The following BDH2 variants were observed in gnomAD, a reference collection of about 807,000 sequenced individuals.
BDH2 encodes the protein 3-hydroxybutyrate dehydrogenase 2, also known as dehydrogenase/reductase SDR family member 6.
A neutral mutation model predicts 33.2 loss-of-function variants in BDH2; 24 were observed. The ratio of observed to expected loss-of-function variants is 0.72; its 90% CI spans 0.52 to 1.02. BDH2 has a LOEUF of 1.02. BDH2 is among the 50% of genes least tolerant of loss of function. The pLI, the probability that BDH2 is intolerant of heterozygous loss-of-function variation, is 0.00. For missense variants in BDH2, 249 were observed against 301.6 expected, an observed-to-expected ratio of 0.83 and a Z score of 1.29; for synonymous variants, 81 against 101.6, an observed-to-expected ratio of 0.80 and a Z score of 1.22.
intron 3 of BDH2, among the ~76,000 whole-genome samples, chr4:103,093,082 CA>C (rs1748192074): frequency 6.6e-6 from 1 of 152,134 alleles, no homozygotes; most frequent in African/African-American, 2.4e-5. Context: ...CTCCTCTTTG[CA>C]GCTTTTCTCT....
intron 7 of BDH2, among the ~76,000 whole-genome samples, chr4:103,083,415 C>T (rs1187850366): frequency 6.6e-6 from 1 of 152,164 alleles, no homozygotes; most frequent in African/African-American, 2.4e-5. Flanking sequence ...TACCATAGTC[C>T]TTGGTAATTC....
At chr4:103,087,902 GAA>G (rs1747874935) in intron 5 of BDH2, among the ~76,000 whole-genome samples, 1 of 152,168 alleles carries the variant, frequency 6.6e-6, no homozygotes, top group African/African-American at 2.4e-5. Flanking sequence ...TGTAGGAAAG[GAA>G]AAAGTAAATA....
At chr4:103,091,533 C>G in intron 4 of BDH2, 1 of 404,254 alleles carries the variant, frequency 2.5e-6, no homozygotes. Context: ...ACATAAGAAG[C>G]TTTATATTAA....
chr4:103,096,208 T>C lies in BDH2; in HGVS notation c.47A>G (p.Gln16Arg). 1.2e-6 allele frequency: 2 copies of C among 1,613,784 alleles called. No homozygotes were observed. Among genetic ancestry groups the C allele is most frequent in the Non-Finnish European group, 8.5e-7 (1 of 1,179,730 alleles). The change falls in exon 2 of 10, where the codon CAG (glutamine) becomes CGG (arginine). Residue 16 changes from glutamine to arginine, a missense_variant. Physicochemically the swap from Gln to Arg is conservative, Grantham distance 43 (BLOSUM62 1). Coordinates refer to ENST00000296424, the MANE Select transcript of BDH2 (RefSeq NM_020139.4). Reference protein sequence around the residue: ...GKVIILTAAAQGIGQAAALAF... With the variant: ...GKVIILTAAARGIGQAAALAF... ...TAAGGCAGCTGCTTGGCCAATCCCC[T>C]GAGCAGCGGCCGTCAGGATGATGAC... is the stretch of plus-strand genomic sequence containing the variant.
At position 103,079,502 on chromosome 4, in the gene BDH2, A is replaced by T; in HGVS notation, c.*200T>A. ...ATGAGTTCAATATTTTTATTTCTTTACAATGATTTCAGAAGAGATTACAAA... is the reference window on the plus strand; with the variant it reads ...ATGAGTTCAATATTTTTATTTCTTTTCAATGATTTCAGAAGAGATTACAAA... On this transcript the variant is annotated 3_prime_UTR_variant, in exon 10 of 10. Transcript: ENST00000296424. The T allele has an allele frequency of 1.8e-6, 1 of 555,136 alleles. No individual in the cohort carries two copies. The highest frequency in any genetic ancestry group is 3.2e-6 in the Non-Finnish European group (1 of 313,952). The allele number at this position is 555,136 out of a possible 1,614,324, so 34.4% of individuals were successfully genotyped here.
At chr4:103,092,463 T>A in intron 4 of BDH2, 137 bp downstream of exon 4, 1 of 654,398 alleles carries the variant, frequency 1.5e-6, no homozygotes, top group Non-Finnish European at 2.7e-6. Flanking sequence ...GAAAATGCTG[T>A]GTAAAATCTA....
chr4:103,085,982 C>T, intron 6 of BDH2: 1 of 1,164,838 alleles, frequency 8.6e-7, no homozygotes, highest in Non-Finnish European at 1.1e-6. Flanking sequence ...TGACTTCTTG[C>T]TGATGGCTCA....
intron 6 of BDH2, chr4:103,085,761 G>A: frequency 7.4e-7 from 1 of 1,345,370 alleles, no homozygotes; most frequent in African/African-American, 1.5e-5. Context: ...GATTCCAAAA[G>A]AAAATGAAGA....
intron 3 of BDH2, 72 bp from the exon 4 acceptor site, chr4:103,092,768 A>G (rs1578508516): frequency 1.8e-6 from 2 of 1,084,382 alleles, no homozygotes; most frequent in Non-Finnish European, 1.4e-6. Context: ...TTGAAGTGTG[A>G]AGTGTGAAGA....
At chr4:103,081,789 A>G (rs563212227) in intron 9 of BDH2, among the ~76,000 whole-genome samples, 3 of 152,334 alleles carry the variant, frequency 2.0e-5, no homozygotes, top group African/African-American at 7.2e-5. Context: ...GGTTTCCCCA[A>G]TTATAATTTT....
rs1747396120 is a variant in BDH2 at position 103,079,230 on chromosome 4, G to A, written c.*472C>T. On this transcript the variant is annotated 3_prime_UTR_variant, in exon 10 of 10. Coordinates refer to ENST00000296424, the MANE Select transcript of BDH2 (RefSeq NM_020139.4). ...CTTATAAAAAGACACATGAGCGCTC[G>A]CTTTTTTTCTCTGCTCTTGCTATGT... is the stretch of plus-strand genomic sequence containing the variant. 6.6e-6 allele frequency among the ~76,000 whole-genome samples: 1 copy of A among 152,088 alleles called. No individual in the cohort carries two copies. The highest frequency in any genetic ancestry group is 2.1e-4 in the South Asian group (1 of 4,828).
Position 103,085,432 on chromosome 4 carries a change from G to A in BDH2, c.449C>T (p.Thr150Ile), listed in dbSNP as rs975341696. ...GVVNRCVYST[T>I]KAAVIGLTKS... ...TGTGAGGCCAATCACGGCTGCCTTGGTTGTGCTGTACACACATCTGTTCAC... is the reference window on the plus strand; with the variant it reads ...TGTGAGGCCAATCACGGCTGCCTTGATTGTGCTGTACACACATCTGTTCAC... Residue 150 changes from threonine (T) to isoleucine (I), a missense_variant, in exon 7 of 10, where the codon ACC becomes ATC. Coordinates refer to ENST00000296424, the MANE Select transcript of BDH2 (RefSeq NM_020139.4). 22 of 1,613,254 alleles carry A rather than the reference G, an allele frequency of 1.4e-5. No individual in the cohort carries two copies. The highest frequency in any genetic ancestry group is 1.8e-5 in the Non-Finnish European group (21 of 1,179,826).
chr4:103,095,351 T>C (rs761175969), intron 2 of BDH2, 70 bp from the exon 3 acceptor site: 5 of 1,180,312 alleles, frequency 4.2e-6, no homozygotes, highest in East Asian at 4.7e-5. Context: ...TGGAACATCA[T>C]GTGGTCTTTT....
rs749288399 is a variant in BDH2, at chr4:103,085,435, G to T, written c.446C>A (p.Thr149Lys). The change falls in exon 7 of 10, where the codon ACA becomes AAA. Residue 149 changes from threonine to lysine, a missense_variant. Coordinates refer to ENST00000296424, the MANE Select transcript of BDH2 (RefSeq NM_020139.4). The stretch of plus-strand genomic sequence containing the variant: ...GAGGCCAATCACGGCTGCCTTGGTT[G>T]TGCTGTACACACATCTGTTCACAAC... Reference protein sequence around the residue: ...KGVVNRCVYSTTKAAVIGLTK... With the variant: ...KGVVNRCVYSKTKAAVIGLTK... 24 of 1,613,182 alleles carry T rather than the reference G, an allele frequency of 1.5e-5. No individual in the cohort carries two copies. Among genetic ancestry groups the T allele is most frequent in the Non-Finnish European group, 1.9e-5 (23 of 1,179,768 alleles).
chr4:103,087,224 T>C (rs912679264), intron 5 of BDH2, among the ~76,000 whole-genome samples: 4 of 152,184 alleles, frequency 2.6e-5, no homozygotes, highest in Non-Finnish European at 5.9e-5. Context: ...GGGCTGGGTC[T>C]GGCTGGAATG....
At position 103,085,359 on chromosome 4, in the gene BDH2, A is replaced by G. The variant is rs765746594; in HGVS notation, c.522T>C (p.Cys174=). 3.7e-6 allele frequency: 6 copies of G among 1,610,012 alleles called. No individual in the cohort carries two copies. Among genetic ancestry groups the G allele is most frequent in the Non-Finnish European group, 5.1e-6 (6 of 1,178,758 alleles). The stretch of plus-strand genomic sequence containing the variant: ...GTGTGCCTTACTCACCTGGGCACAC[A>G]CAGTTGCACCTGATGCCCTGCTGGA... ...DFIQQGIRCN[C]VCPGTVDTPS... is the part of the protein sequence containing the mutation. The change falls in exon 7 of 10, where the codon TGT becomes TGC. Residue 174 remains cysteine (C), a synonymous_variant. Coordinates refer to ENST00000296424, the MANE Select transcript of BDH2 (RefSeq NM_020139.4).
intron 6 of BDH2, chr4:103,085,895 A>T: frequency 8.4e-7 from 1 of 1,194,502 alleles, no homozygotes; most frequent in Admixed American, 3.8e-5. Context: ...TAACTATTTC[A>T]TTTTAAACTC....
chr4:103,081,214 G>A (rs896177010), intron 9 of BDH2, among the ~76,000 whole-genome samples: 3 of 152,102 alleles, frequency 2.0e-5, no homozygotes, highest in Non-Finnish European at 4.4e-5. Context: ...TAGTTATTAA[G>A]GAAAAAACTG....
At chr4:103,088,578 T>G (rs1411418178) in intron 5 of BDH2, among the ~76,000 whole-genome samples, 1 of 152,196 alleles carries the variant, frequency 6.6e-6, no homozygotes, top group Non-Finnish European at 1.5e-5. Flanking sequence ...TGGCTCCCCA[T>G]GCAATAGCCT....
Sources: allele counts gnomAD v4.1 joint callset (sites outside exome capture counted in the v4.1 genomes callset), GRCh38; gene constraint gnomAD v4.1.1; transcripts MANE v1.5; gene names NCBI Gene and HGNC (gene_info 2026-07-23, HGNC 2026-07-21).